The following NTRK3 variants were observed in gnomAD, a reference collection of about 807,000 sequenced individuals.
The protein encoded by NTRK3 is neurotrophic receptor tyrosine kinase 3, also known as NT-3 growth factor receptor.
In NTRK3, 24 loss-of-function variants were observed where a neutral mutation model predicts 91.7. That is an observed-to-expected ratio of 0.26 (90% CI 0.19 to 0.37). The LOEUF is 0.37. Ranked by LOEUF, NTRK3 falls within the 10% of genes least tolerant of loss-of-function variation. NTRK3 has a pLI of 1.00. For missense variants in NTRK3, 880 were observed against 1,068.9 expected, an observed-to-expected ratio of 0.82 and a Z score of 2.46; for synonymous variants, 483 against 404.0, an observed-to-expected ratio of 1.20 and a Z score of -2.34.
chr15:87,885,708 A>T, intron 17 of NTRK3: 1 of 1,397,984 alleles, frequency 7.2e-7, no homozygotes, highest in Non-Finnish European at 9.6e-7. Context: ...CACCATATAC[A>T]AAAATCATTT....
chr15:88,222,097 T>C (rs2050284583), intron 3 of NTRK3, among the ~76,000 whole-genome samples: 1 of 152,212 alleles, frequency 6.6e-6, no homozygotes, highest in Admixed American at 6.5e-5. Flanking sequence ...CAGCCCATGT[T>C]GGGTGAGGCA....
In NTRK3 at chr15:88,241,618, C is replaced by T. The variant is rs929532627; in HGVS notation, c.248+14288G>A. On this transcript the variant is annotated intron_variant, in intron 3 of 18. Coordinates refer to ENST00000394480, the Ensembl canonical transcript of NTRK3. This position sits in a 1 kb window ranked among gnomAD's most constrained non-coding sequence, Gnocchi z 4.3. Reference sequence around the variant, plus strand: ...TGGGGCAGGTCAGCCGCTGGTTGGGCAGAATGCCAGCTGGGTGCTGGGAGC... The same window carrying T: ...TGGGGCAGGTCAGCCGCTGGTTGGGTAGAATGCCAGCTGGGTGCTGGGAGC... Among the ~76,000 whole-genome samples the T allele has an allele frequency of 1.2e-4, 18 of 152,150 alleles. No individual in the cohort carries two copies. Among genetic ancestry groups the T allele is most frequent in the African/African-American group, 4.3e-4 (18 of 41,422 alleles).
chr15:87,961,564 G>C (rs969448357), intron 14 of NTRK3, among the ~76,000 whole-genome samples: 2 of 152,278 alleles, frequency 1.3e-5, no homozygotes, highest in Admixed American at 1.3e-4. Flanking sequence ...AGCTACAGCA[G>C]GAGCTGGGGT....
At chr15:88,171,717 T>C (rs1368051905) in intron 5 of NTRK3, among the ~76,000 whole-genome samples, 1 of 152,194 alleles carries the variant, frequency 6.6e-6, no homozygotes, top group African/African-American at 2.4e-5. Context: ...TGGCCAAGAA[T>C]GCAAAGTGAA....
intron 3 of NTRK3, among the ~76,000 whole-genome samples, chr15:88,196,570 A>C (rs1459784115): frequency 6.6e-6 from 1 of 152,222 alleles, no homozygotes; most frequent in African/African-American, 2.4e-5. Context: ...CTGTAAGGAA[A>C]CCAGCTCTGG....
chr15:88,185,128 G>C (rs768754816), intron 3 of NTRK3, among the ~76,000 whole-genome samples: 10 of 152,284 alleles, frequency 6.6e-5, no homozygotes, highest in Non-Finnish European at 8.8e-5. Context: ...TCTCCTTTTA[G>C]AACTTTGCCC....
intron 3 of NTRK3, among the ~76,000 whole-genome samples, chr15:88,242,715 AG>A (rs1182508320): frequency 6.6e-6 from 1 of 152,220 alleles, no homozygotes; most frequent in Non-Finnish European, 1.5e-5. Flanking sequence ...CAGAAGGAAG[AG>A]CCAGGCTGGC....
At chr15:88,063,751 A>T (rs1434029983) in intron 13 of NTRK3, among the ~76,000 whole-genome samples, 3 of 152,050 alleles carry the variant, frequency 2.0e-5, no homozygotes, top group Non-Finnish European at 4.4e-5. Flanking sequence ...TTCAATGGAT[A>T]CGTGTTGAAT....
At chr15:87,984,661 A>G (rs2074586029) in intron 14 of NTRK3, among the ~76,000 whole-genome samples, 1 of 152,194 alleles carries the variant, frequency 6.6e-6, no homozygotes, top group African/African-American at 2.4e-5. Context: ...TTATTTTTTA[A>G]CACAAATGGT....
intron 17 of NTRK3, among the ~76,000 whole-genome samples, chr15:87,902,263 C>A (rs7163473): frequency 0.68 from 103,761 of 152,004 alleles, 35,486 homozygotes; most frequent in East Asian, 0.71. Context: ...CATAATGTCC[C>A]GTCCCACTCT....
chr15:88,168,550 G>A (rs2045208863), intron 5 of NTRK3, among the ~76,000 whole-genome samples: 1 of 152,232 alleles, frequency 6.6e-6, no homozygotes, highest in Middle Eastern at 3.2e-3. Flanking sequence ...GGAGCACACG[G>A]TTGCTCTTTG....
At chr15:87,938,064 T>G (rs1486449579) in intron 15 of NTRK3, among the ~76,000 whole-genome samples, 2 of 152,176 alleles carry the variant, frequency 1.3e-5, no homozygotes, top group African/African-American at 2.4e-5. Flanking sequence ...ATGTTCTATT[T>G]GTCTAATGAT....
intron 14 of NTRK3, among the ~76,000 whole-genome samples, chr15:87,943,113 T>G (rs968885693): frequency 6.6e-6 from 1 of 152,118 alleles, no homozygotes; most frequent in Non-Finnish European, 1.5e-5. Context: ...CACCAGGGAT[T>G]CCAATCTAGT....
chr15:88,145,743 T>C (rs967426527), intron 6 of NTRK3, among the ~76,000 whole-genome samples: 2 of 152,138 alleles, frequency 1.3e-5, no homozygotes, highest in Non-Finnish European at 2.9e-5. Context: ...CCTCCTGAGA[T>C]GAAGGGACTA....
Position 88,220,210 on chromosome 15 carries a change from C to T in NTRK3, c.248+35696G>A, listed in dbSNP as rs2050123636. Among the ~76,000 whole-genome samples, 3 of 152,096 alleles carry T rather than the reference C, an allele frequency of 2.0e-5. No individual in the cohort carries two copies. The South Asian group carries it at 6.2e-4, about 32-fold the overall frequency. Reference sequence around the variant, plus strand: ...ATGGCTTTGAGCCACATGTAGGAACCCTGAAAAAGCTCCCCCAAGCAAATC... The same window carrying T: ...ATGGCTTTGAGCCACATGTAGGAACTCTGAAAAAGCTCCCCCAAGCAAATC... On this transcript the variant is annotated intron_variant, in intron 3 of 18. Transcript: ENST00000394480.
At chr15:88,222,561 C>T (rs1233972432) in intron 3 of NTRK3, among the ~76,000 whole-genome samples, 21 of 152,190 alleles carry the variant, frequency 1.4e-4, no homozygotes, top group African/African-American at 4.8e-4. Flanking sequence ...GAACGCAGAA[C>T]ATTAATCTTG....
intron 3 of NTRK3, among the ~76,000 whole-genome samples, chr15:88,231,052 G>A (rs1233676467): frequency 2.6e-5 from 4 of 152,156 alleles, no homozygotes; most frequent in Non-Finnish European, 4.4e-5. Context: ...TGATTAGAGG[G>A]AGGATGTCTT....
intron 3 of NTRK3, among the ~76,000 whole-genome samples, chr15:88,209,070 A>C (rs2141391035): frequency 6.6e-6 from 1 of 152,358 alleles, no homozygotes; most frequent in South Asian, 2.1e-4. Flanking sequence ...AACTACTATT[A>C]GGCATAAGTT....
intron 3 of NTRK3, among the ~76,000 whole-genome samples, chr15:88,251,261 C>A (rs1399692189): frequency 6.6e-6 from 1 of 152,232 alleles, no homozygotes; most frequent in East Asian, 1.9e-4. Context: ...ACAAGGATCA[C>A]TGCCATCCCC....
Sources: gnomAD v4.1 joint callset for allele counts (sites outside exome capture counted in the v4.1 genomes callset) on GRCh38, gnomAD v4.1.1 for gene constraint, Gnocchi (gnomAD v3.1) non-coding constraint, MANE v1.5 for transcripts, NCBI Gene and HGNC (gene_info 2026-07-23, HGNC 2026-07-21) for gene names.